ESRRG: variants seen among roughly 807,000 people sequenced by gnomAD.
ESRRG encodes estrogen-related receptor gamma.
ESRRG carries 13 observed loss-of-function variants against 44.0 expected under a neutral mutation model. The ratio of observed to expected loss-of-function variants is 0.30; its 90% confidence interval spans 0.19 to 0.47. ESRRG has a LOEUF of 0.47. ESRRG is among the 20% of genes least tolerant of loss of function. The probability of loss-of-function intolerance (pLI) is 1.00; values close to 1 mark genes in which losing one functional copy is unlikely to be tolerated. For synonymous variants in ESRRG, 215 were observed against 214.6 expected, an observed-to-expected ratio of 1.00 and a Z score of -0.02; for missense variants, 395 against 580.6, an observed-to-expected ratio of 0.68 and a Z score of 3.29.
chr1:216,900,854 G>A (rs140033379), intron 2 of ESRRG, among the ~76,000 whole-genome samples: 189 of 152,250 alleles, frequency 1.2e-3, no homozygotes, highest in Non-Finnish European at 1.9e-3. Context: ...TCCAGTTCTC[G>A]TGAATCTCAG....
At chr1:217,003,131 C>T (rs559396020) in intron 1 of ESRRG, among the ~76,000 whole-genome samples, 2 of 152,020 alleles carry the variant, frequency 1.3e-5, no homozygotes, top group East Asian at 1.9e-4. Context: ...AGATCACAGC[C>T]AGATAAAACT....
intron 6 of ESRRG, 38 bp downstream of exon 6, chr1:216,519,114 T>G (rs777233127): frequency 1.3e-6 from 2 of 1,585,818 alleles, no homozygotes; most frequent in South Asian, 2.3e-5. Flanking sequence ...ACTGACATAT[T>G]AAAAAAAATG....
rs148329244 is a variant in ESRRG, at chr1:216,763,780, C to T, written c.-13-86289G>A. ...GAGGTGGATGGATCTCAGATAATTACGAGCTCTGGGTAAACTGCTCAATGT... is the reference window on the plus strand; with the variant it reads ...GAGGTGGATGGATCTCAGATAATTATGAGCTCTGGGTAAACTGCTCAATGT... On this transcript the variant is annotated intron_variant, in intron 2 of 7. Transcript: ENST00000359162. Among the ~76,000 whole-genome samples, 665 of 152,196 alleles carry T rather than the reference C, an allele frequency of 4.4e-3. 1 individual carries two copies. The highest frequency in any genetic ancestry group is 0.019 in the East Asian group (96 of 5,160).
At chr1:216,888,025 C>T (rs2057266228) in intron 2 of ESRRG, among the ~76,000 whole-genome samples, 1 of 151,084 alleles carries the variant, frequency 6.6e-6, no homozygotes, top group Non-Finnish European at 1.5e-5. Flanking sequence ...TTTTTACCAC[C>T]AAACAACTAA....
chr1:216,648,312 G>C (rs551164213), intron 3 of ESRRG, among the ~76,000 whole-genome samples: 1 of 152,284 alleles, frequency 6.6e-6, no homozygotes, highest in South Asian at 2.1e-4. Context: ...CGATTTGGTG[G>C]TTGTGGGAGG....
intron 3 of ESRRG, among the ~76,000 whole-genome samples, chr1:216,613,265 G>A (rs1489023622): frequency 1.3e-5 from 2 of 152,118 alleles, no homozygotes; most frequent in Non-Finnish European, 2.9e-5. Context: ...GGATTTATAA[G>A]AATATTATTG....
At chr1:216,842,196 G>A (rs575160703) in intron 2 of ESRRG, among the ~76,000 whole-genome samples, 1 of 152,222 alleles carries the variant, frequency 6.6e-6, no homozygotes, top group South Asian at 2.1e-4. Context: ...AAACCTATTC[G>A]CTATGCCTAG....
At chr1:217,119,140 T>C (rs2092784138) in intron 1 of ESRRG, among the ~76,000 whole-genome samples, 1 of 152,156 alleles carries the variant, frequency 6.6e-6, no homozygotes, top group South Asian at 2.1e-4. Flanking sequence ...AAAGAATTCT[T>C]ATGCCAATTT....
At chr1:216,797,777 C>T (rs1361167860) in intron 2 of ESRRG, among the ~76,000 whole-genome samples, 2 of 152,062 alleles carry the variant, frequency 1.3e-5, no homozygotes, top group Non-Finnish European at 2.9e-5. Flanking sequence ...TTGATGCTGA[C>T]CTTGATCACC....
chr1:216,976,286 ATGTGTGTGTGTGTGTG>A (rs61142800), intron 1 of ESRRG, among the ~76,000 whole-genome samples: 15 of 146,868 alleles, frequency 1.0e-4, no homozygotes, highest in South Asian at 2.2e-4. Flanking sequence ...ATGCTCCTAA[ATGTGTGTGTGTGTGTG>A]TGTGTGTGTG....
intron 3 of ESRRG, among the ~76,000 whole-genome samples, chr1:216,581,140 T>C (rs1231917015): frequency 6.6e-6 from 1 of 152,180 alleles, no homozygotes; most frequent in Non-Finnish European, 1.5e-5. Flanking sequence ...AACCAAAGAA[T>C]AGATAATGAC....
At chr1:216,991,271 G>A (rs751621097) in intron 1 of ESRRG, among the ~76,000 whole-genome samples, 1 of 152,098 alleles carries the variant, frequency 6.6e-6, no homozygotes, top group South Asian at 2.1e-4. Flanking sequence ...TTGCTATAAA[G>A]AGCACTAATA....
intron 2 of ESRRG, among the ~76,000 whole-genome samples, chr1:216,789,630 T>G: frequency 6.6e-6 from 1 of 152,166 alleles, no homozygotes; most frequent in East Asian, 1.9e-4. Context: ...TGTAACTGAT[T>G]AGATTTTGGA....
intron 1 of ESRRG, among the ~76,000 whole-genome samples, chr1:217,065,129 T>C (rs1254410244): frequency 6.6e-6 from 1 of 152,208 alleles, no homozygotes; most frequent in East Asian, 1.9e-4. Context: ...GCCTAGGATA[T>C]CCATTAATGC....
At chr1:217,000,431 T>C (rs570948205) in intron 1 of ESRRG, 7 of 152,314 alleles carry the variant, frequency 4.6e-5, no homozygotes, top group African/African-American at 1.7e-4. Flanking sequence ...TCTCCCCTTG[T>C]CCCTGTGTCC....
At chr1:216,659,324 C>A (rs2071635102) in intron 2 of ESRRG, among the ~76,000 whole-genome samples, 1 of 152,092 alleles carries the variant, frequency 6.6e-6, no homozygotes, top group East Asian at 1.9e-4. Context: ...CACTTCTAGG[C>A]AGAATATTTA....
In ESRRG at chr1:216,818,721, T is replaced by G. The variant is rs560718983; in HGVS notation, c.-14+120861A>C. ...ATAGATCATCCCATCACCCAGGTAT[T>G]AAGCCCAGCAACTATTAGCTATTCT... On this transcript the variant is annotated intron_variant, in intron 2 of 7. Coordinates refer to the ESRRG transcript ENST00000359162. 2.0e-5 allele frequency among the ~76,000 whole-genome samples: 3 copies of G among 152,220 alleles called. No homozygotes were observed. The East Asian group carries it at 5.8e-4, about 29-fold the overall frequency.
chr1:217,024,037 C>T (rs2080782837), intron 1 of ESRRG, among the ~76,000 whole-genome samples: 1 of 152,180 alleles, frequency 6.6e-6, no homozygotes, highest in Non-Finnish European at 1.5e-5. Context: ...ACAGCAGGGA[C>T]ATAAATGTAG....
intron 2 of ESRRG, among the ~76,000 whole-genome samples, chr1:216,777,462 C>T (rs2147741586): frequency 6.6e-6 from 1 of 152,082 alleles, no homozygotes; most frequent in East Asian, 1.9e-4. Flanking sequence ...ACTTTTTATT[C>T]CACTCATTTT....
Sources: gnomAD v4.1 joint callset for allele counts (sites outside exome capture counted in the v4.1 genomes callset) on GRCh38, gnomAD v4.1.1 for gene constraint, MANE v1.5 for transcripts, NCBI Gene and HGNC (gene_info 2026-07-23, HGNC 2026-07-21) for gene names.